The following RAB6B variants were observed in gnomAD, a reference collection of about 807,000 sequenced individuals.
RAB6B encodes the protein RAB6B, member RAS oncogene family.
Under a neutral mutation model 31.2 loss-of-function variants are expected in RAB6B, and 7 were observed. The observed-to-expected ratio is 0.22, with a 90% CI of 0.13 to 0.42. The LOEUF is 0.42. Ranked by LOEUF, RAB6B falls within the 10% of genes least tolerant of loss-of-function variation. RAB6B has a pLI of 1.00. For synonymous variants in RAB6B, 105 were observed against 104.9 expected (o/e 1.00, Z -0.01); for missense variants, 149 against 280.6 (o/e 0.53, Z 3.35).
intron 4 of RAB6B, 68 bp downstream of exon 4, chr3:133,841,217 G>A: frequency 6.9e-7 from 1 of 1,452,696 alleles, no homozygotes; most frequent in Non-Finnish European, 9.7e-7. Context: ...CACAGGCCTG[G>A]CCAGGGTCAC....
At chr3:133,874,744 T>C (rs1241562667) in intron 1 of RAB6B, among the ~76,000 whole-genome samples, 1 of 152,250 alleles carries the variant, frequency 6.6e-6, no homozygotes, top group Non-Finnish European at 1.5e-5. Flanking sequence ...ATACATACAC[T>C]GTACAGCTAT....
At chr3:133,895,261 C>A in intron 1 of RAB6B, 136 bp downstream of exon 1, 3 of 812,364 alleles carry the variant, frequency 3.7e-6, no homozygotes, top group Non-Finnish European at 5.7e-6. Flanking sequence ...GCCCCGACCT[C>A]CCCATCCCTG....
intron 2 of RAB6B, among the ~76,000 whole-genome samples, chr3:133,856,916 G>A (rs1000613274): frequency 5.3e-5 from 8 of 152,056 alleles, no homozygotes; most frequent in African/African-American, 1.9e-4. Flanking sequence ...AGAACATAAT[G>A]TCTGCAAAAA....
In RAB6B at chr3:133,838,034, A is replaced by G; in HGVS notation, c.495+132T>C. Reference sequence around the variant, plus strand: ...AGCTCTCCCCTCCCTGGGCGCATCTATGGGTGTTCTGGTTGGCTGCCCCAA... The same window carrying G: ...AGCTCTCCCCTCCCTGGGCGCATCTGTGGGTGTTCTGGTTGGCTGCCCCAA... On this transcript the variant is annotated intron_variant, in intron 6 of 7. Transcript: ENST00000285208. 6.5e-6 allele frequency: 6 copies of G among 919,030 alleles called. No individual in the cohort carries two copies. In the South Asian group the frequency reaches 8.6e-5, roughly 13 times the overall value. 56.9% of individuals were successfully genotyped at this position (919,030 alleles called of 1,614,324 possible).
At chr3:133,846,526 T>C (rs559128072) in intron 2 of RAB6B, among the ~76,000 whole-genome samples, 1 of 152,236 alleles carries the variant, frequency 6.6e-6, no homozygotes, top group South Asian at 2.1e-4. Flanking sequence ...ATCTTGAGAA[T>C]AGCCCCCAAC....
Position 133,886,552 on chromosome 3 carries a change from G to A in RAB6B, c.70+8845C>T, listed in dbSNP as rs543748563. Reference sequence around the variant, plus strand: ...TCCCACTTTTTGCCAGCCTGTCTCTGAGCAGGGATGGGGAGCTGGGGAAAA... The same window carrying A: ...TCCCACTTTTTGCCAGCCTGTCTCTAAGCAGGGATGGGGAGCTGGGGAAAA... On this transcript the variant is annotated intron_variant, in intron 1 of 7. Coordinates refer to ENST00000285208, the MANE Select transcript of RAB6B (RefSeq NM_016577.4). Among the ~76,000 whole-genome samples, 3 of 152,296 alleles carry A rather than the reference G, an allele frequency of 2.0e-5. No individual in the cohort carries two copies. In the East Asian group the frequency reaches 5.8e-4, roughly 29 times the overall value.
chr3:133,824,625 T>C lies in RAB6B; in HGVS notation c.*4163A>G. 1 of 152,196 alleles carries C rather than the reference T, an allele frequency of 6.6e-6. No homozygotes were observed. The highest frequency in any genetic ancestry group is 1.9e-4 in the East Asian group (1 of 5,200). The allele number at this position is 152,196 out of a possible 1,614,324, so 9.4% of individuals were successfully genotyped here. ...GGTTTTGGAACACCTAAATAGTTCA[T>C]GTCAAACAAAAATTCAAAGGGTGTC... On this transcript the variant is annotated 3_prime_UTR_variant, in exon 8 of 8. Coordinates refer to ENST00000285208, the MANE Select transcript of RAB6B (RefSeq NM_016577.4).
chr3:133,893,510 G>A (rs562125197), intron 1 of RAB6B, among the ~76,000 whole-genome samples: 2 of 152,292 alleles, frequency 1.3e-5, no homozygotes, highest in South Asian at 2.1e-4. Flanking sequence ...GGATTCTGAA[G>A]GAGCCCAGAT....
chr3:133,881,452 C>T (rs975430026), intron 1 of RAB6B, among the ~76,000 whole-genome samples: 1 of 152,186 alleles, frequency 6.6e-6, no homozygotes, highest in Non-Finnish European at 1.5e-5. Context: ...ACCAATGTGT[C>T]CCTGTGTCAT....
chr3:133,885,873 C>G (rs1936537723), intron 1 of RAB6B, among the ~76,000 whole-genome samples: 2 of 152,144 alleles, frequency 1.3e-5, no homozygotes, highest in African/African-American at 4.8e-5. Context: ...TTTACAAGCC[C>G]TCTCTATAAA....
rs141349801 is a variant in RAB6B at position 133,868,453 on chromosome 3, G to A, written c.71-3811C>T. On this transcript the variant is annotated intron_variant, in intron 1 of 7. Transcript: ENST00000285208. ...GTCCCCCTGCCTCGCAACAGCTGCC[G>A]GAGTTTCTGCGGGAGCTGTCCTCCT... Among the ~76,000 whole-genome samples the A allele has an allele frequency of 1.9e-3, 290 of 152,320 alleles. 1 individual carries two copies. Among genetic ancestry groups the A allele is most frequent in the African/African-American group, 6.6e-3 (273 of 41,562 alleles).
At chr3:133,878,508 C>T (rs1401179501) in intron 1 of RAB6B, among the ~76,000 whole-genome samples, 3 of 152,166 alleles carry the variant, frequency 2.0e-5, no homozygotes, top group Admixed American at 6.5e-5. Context: ...GAATTCATCA[C>T]CAGCACACTC....
intron 7 of RAB6B, among the ~76,000 whole-genome samples, chr3:133,830,706 G>A (rs995409819): frequency 6.6e-6 from 1 of 152,142 alleles, no homozygotes; most frequent in African/African-American, 2.4e-5. Flanking sequence ...GGAAGCTGAG[G>A]TGCCCAGGTA....
chr3:133,886,474 C>G (rs1328535185), intron 1 of RAB6B, among the ~76,000 whole-genome samples: 1 of 152,194 alleles, frequency 6.6e-6, no homozygotes, highest in Non-Finnish European at 1.5e-5. Flanking sequence ...AGATGAGGTA[C>G]TCTTCCCCTG....
intron 2 of RAB6B, 117 bp downstream of exon 2, chr3:133,864,467 T>C (rs886451180): frequency 1.4e-5 from 14 of 1,037,002 alleles, no homozygotes; most frequent in South Asian, 2.6e-5. Context: ...AGCTCCTCCA[T>C]AGCAAAATGA....
rs139934104 is a variant in RAB6B at position 133,849,121 on chromosome 3, A to G, written c.130-7458T>C. Among the ~76,000 whole-genome samples the G allele has an allele frequency of 6.4e-3, 974 of 152,234 alleles. 14 individuals carry two copies. Among genetic ancestry groups the G allele is most frequent in the African/African-American group, 0.022 (931 of 41,522 alleles). ...CCCCTTTTCTGGAATGCTCTTCCAC[A>G]TGGTTTATACTTATTCAGAATTCAA... On this transcript the variant is annotated intron_variant, in intron 2 of 7. Transcript: ENST00000285208.
intron 1 of RAB6B, among the ~76,000 whole-genome samples, chr3:133,869,079 G>A (rs1936281052): frequency 6.6e-6 from 1 of 152,192 alleles, no homozygotes; most frequent in East Asian, 1.9e-4. Context: ...GGAGGAGGCA[G>A]GGCAGCCACG....
chr3:133,853,444 C>T (rs1017927029), intron 2 of RAB6B, among the ~76,000 whole-genome samples: 2 of 151,240 alleles, frequency 1.3e-5, no homozygotes, highest in African/African-American at 2.4e-5. Flanking sequence ...GCTCCACAGG[C>T]CCTTGGGATG....
intron 1 of RAB6B, among the ~76,000 whole-genome samples, chr3:133,867,741 C>T (rs577699375): frequency 1.4e-3 from 218 of 152,282 alleles, no homozygotes; most frequent in African/African-American, 5.1e-3. Context: ...CCTGGAAGTG[C>T]TTTGTGGGGT....
Sources: gnomAD v4.1 joint callset for allele counts (sites outside exome capture counted in the v4.1 genomes callset) on GRCh38, gnomAD v4.1.1 for gene constraint, MANE v1.5 for transcripts, NCBI Gene and HGNC (gene_info 2026-07-23, HGNC 2026-07-21) for gene names.